TSPEAR: variants seen among roughly 807,000 people sequenced by gnomAD.
TSPEAR encodes thrombospondin-type laminin G domain and EAR repeat-containing protein.
TSPEAR carries 69 observed loss-of-function variants against 71.6 expected under a neutral mutation model. That is an observed-to-expected ratio of 0.96 (90% CI 0.79 to 1.18). The LOEUF (loss-of-function observed/expected upper bound fraction) is 1.18, where lower values mean the gene tolerates loss of function less well. Ranked by LOEUF, TSPEAR falls within the 50% of genes most tolerant of loss-of-function variation. TSPEAR has a pLI of 0.00. For missense variants in TSPEAR, 971 were observed against 894.9 expected, an observed-to-expected ratio of 1.09 and a Z score of -1.09; for synonymous variants, 402 against 387.2, an observed-to-expected ratio of 1.04 and a Z score of -0.45.
At chr21:44,678,003 T>C in intron 1 of TSPEAR, 1 of 976,630 alleles carries the variant, frequency 1.0e-6, no homozygotes. Flanking sequence ...GGCGGCATGG[T>C]CACAGTGGAC....
intron 2 of TSPEAR, among the ~76,000 whole-genome samples, chr21:44,556,840 A>G (rs2053539034): frequency 1.3e-5 from 2 of 152,236 alleles, no homozygotes; most frequent in African/African-American, 2.4e-5. Context: ...AAAGAATTAC[A>G]GGATTACAGG....
rs370840527 is a variant in TSPEAR, at chr21:44,567,754, T to G, written c.303+31A>C. On this transcript the variant is annotated intron_variant, in intron 2 of 11. Transcript: ENST00000323084. The stretch of plus-strand genomic sequence containing the variant: ...ACCTCACAAGGGAAAATTACGCTAT[T>G]ATAACACGAAGTGCAGAAAGTGCCA... 1,007 of 1,521,670 alleles carry G rather than the reference T, an allele frequency of 6.6e-4. 5 individuals carry two copies. The highest frequency in any genetic ancestry group is 5.1e-3 in the South Asian group (398 of 77,428). 94.3% of individuals were successfully genotyped at this position (1,521,670 alleles called of 1,614,324 possible).
chr21:44,511,148 A>T (rs1555912610), intron 9 of TSPEAR: 1 of 152,294 alleles, frequency 6.6e-6, no homozygotes, highest in East Asian at 1.9e-4. Flanking sequence ...CAGACTGTTC[A>T]ACCCTGGGCT....
chr21:44,627,358 G>C, intron 1 of TSPEAR: 1 of 1,613,532 alleles, frequency 6.2e-7, no homozygotes, highest in Non-Finnish European at 8.5e-7. Flanking sequence ...GGTGACCTGT[G>C]AGCCCAGCCC....
chr21:44,639,289 C>A (rs1374057469), intron 1 of TSPEAR, among the ~76,000 whole-genome samples: 1 of 152,198 alleles, frequency 6.6e-6, no homozygotes, highest in Non-Finnish European at 1.5e-5. Flanking sequence ...GTGGCACAAG[C>A]TGCTGCACTC....
chr21:44,649,820 C>T (rs1555941067), intron 1 of TSPEAR, among the ~76,000 whole-genome samples: 1 of 152,194 alleles, frequency 6.6e-6, no homozygotes. Context: ...TCTTCCTTCC[C>T]AAGGAACCAC....
intron 1 of TSPEAR, among the ~76,000 whole-genome samples, chr21:44,629,300 G>A (rs587759149): frequency 3.0e-4 from 45 of 152,250 alleles, no homozygotes; most frequent in African/African-American, 9.6e-4. Context: ...CTGGGGGCTC[G>A]AGCCACATAC....
intron 1 of TSPEAR, among the ~76,000 whole-genome samples, chr21:44,614,135 C>T (rs1981912935): frequency 6.6e-6 from 1 of 152,194 alleles, no homozygotes; most frequent in Non-Finnish European, 1.5e-5. Flanking sequence ...CCTCAGCTCC[C>T]CCATCTTGCT....
At chr21:44,666,316 G>A (rs1985755803) in intron 1 of TSPEAR, 1 of 1,137,102 alleles carries the variant, frequency 8.8e-7, no homozygotes, top group African/African-American at 1.5e-5. Context: ...TCTCAATCCA[G>A]AATTCAGAGG....
rs114479602 is a variant in TSPEAR at position 44,629,659 on chromosome 21, C to T, written c.83-61654G>A. Reference sequence around the variant, plus strand: ...CCCAGTGGGGCCTGGCTGGGGCAGACGCTCCCTGTCCATAAACTGCAGCGA... The same window carrying T: ...CCCAGTGGGGCCTGGCTGGGGCAGATGCTCCCTGTCCATAAACTGCAGCGA... On this transcript the variant is annotated intron_variant, in intron 1 of 11. Coordinates refer to ENST00000323084, the MANE Select transcript of TSPEAR (RefSeq NM_144991.3). Among the ~76,000 whole-genome samples, 1,005 of 152,356 alleles carry T rather than the reference C, an allele frequency of 6.6e-3. 14 individuals are homozygous for T. Among genetic ancestry groups the T allele is most frequent in the African/African-American group, 0.022 (933 of 41,582 alleles).
intron 2 of TSPEAR, among the ~76,000 whole-genome samples, chr21:44,541,151 G>A (rs908036242): frequency 3.9e-5 from 6 of 152,044 alleles, no homozygotes; most frequent in African/African-American, 7.3e-5. Context: ...TTCTTCAAAC[G>A]TAAGCTGCAT....
At chr21:44,702,974 C>G (rs570219408) in intron 1 of TSPEAR, among the ~76,000 whole-genome samples, 1 of 152,200 alleles carries the variant, frequency 6.6e-6, no homozygotes, top group African/African-American at 2.4e-5. Context: ...CAAGCCAGGC[C>G]CAGGAAACCA....
Position 44,522,053 on chromosome 21 carries a change from C to G in TSPEAR, c.1396G>C (p.Glu466Gln), listed in dbSNP as rs587757797. The G allele has an allele frequency of 3.7e-6, 6 of 1,614,056 alleles. No homozygotes were observed. The South Asian group carries it at 5.5e-5, about 15-fold the overall frequency. ...GAGGTGGCGATGGTCTGGTTGGCCT[C>G]GAAGAGCCGGGTTGCCGGGTTCCAC... ...YKWNPATRLFEANQTIATSGA... is the reference protein window; with the variant it reads ...YKWNPATRLFQANQTIATSGA... The change falls in exon 9 of 12, where the codon GAG becomes CAG. Residue 466 changes from glutamate to glutamine, a missense_variant. Physicochemically the swap from Glu to Gln is conservative, Grantham distance 29 (BLOSUM62 2). Transcript: ENST00000323084.
intron 1 of TSPEAR, chr21:44,627,098 C>T: frequency 6.4e-7 from 1 of 1,568,902 alleles, no homozygotes; most frequent in Non-Finnish European, 8.7e-7. Flanking sequence ...ACCTCACACA[C>T]TCACAAACTC....
intron 1 of TSPEAR, among the ~76,000 whole-genome samples, chr21:44,675,614 T>C (rs1555946776): frequency 6.6e-6 from 1 of 152,154 alleles, no homozygotes; most frequent in East Asian, 1.9e-4. Context: ...ATTATTTTGA[T>C]TGGCCTCACA....
At chr21:44,636,553 G>A in intron 1 of TSPEAR, among the ~76,000 whole-genome samples, 1 of 152,200 alleles carries the variant, frequency 6.6e-6, no homozygotes. Flanking sequence ...TTCAGCCAAA[G>A]TGCAAACATA....
intron 1 of TSPEAR, among the ~76,000 whole-genome samples, chr21:44,586,195 C>T (rs1178877879): frequency 2.6e-5 from 4 of 152,234 alleles, no homozygotes; most frequent in African/African-American, 9.6e-5. Context: ...CCATGGCTGT[C>T]CTCATGTGCT....
chr21:44,523,990 T>C (rs1025981355), intron 8 of TSPEAR, among the ~76,000 whole-genome samples: 2 of 151,022 alleles, frequency 1.3e-5, no homozygotes, highest in Admixed American at 6.6e-5. Flanking sequence ...CAGTCATCAG[T>C]CAGGTAGTCA....
intron 1 of TSPEAR, chr21:44,579,839 TAGG>T: frequency 6.3e-7 from 1 of 1,595,828 alleles, no homozygotes; most frequent in Non-Finnish European, 8.6e-7. Context: ...GCTGGCCTGG[TAGG>T]AGGAGGCAGG....
Sources: gnomAD v4.1 joint callset for allele counts (sites outside exome capture counted in the v4.1 genomes callset) on GRCh38, gnomAD v4.1.1 for gene constraint, MANE v1.5 for transcripts, NCBI Gene and HGNC (gene_info 2026-07-23, HGNC 2026-07-21) for gene names.